The following VAT1L variants were observed in gnomAD, a reference collection of about 807,000 sequenced individuals.
The protein encoded by VAT1L is putative NADPH-dependent quinone oxidoreductase VAT1L.
A neutral mutation model predicts 44.1 loss-of-function variants in VAT1L; 34 were observed. The ratio of observed to expected loss-of-function variants is 0.77; its 90% confidence interval spans 0.59 to 1.03. VAT1L has a LOEUF of 1.03. VAT1L is among the 50% of genes least tolerant of loss of function. The pLI is 0.00. For synonymous variants in VAT1L, 253 were observed against 202.2 expected (o/e 1.25, Z -2.13); for missense variants, 615 against 538.8 (o/e 1.14, Z -1.40).
chr16:77,825,489 C>A, intron 3 of VAT1L, 28 bp downstream of exon 3: 1 of 1,554,260 alleles, frequency 6.4e-7, no homozygotes, highest in Non-Finnish European at 8.7e-7. Flanking sequence ...AACTTCTCTT[C>A]TTTAAGGTCA....
intron 3 of VAT1L, among the ~76,000 whole-genome samples, chr16:77,829,032 C>G (rs560819222): frequency 6.6e-6 from 1 of 152,086 alleles, no homozygotes; most frequent in Non-Finnish European, 1.5e-5. Flanking sequence ...CATTATGGCC[C>G]GCCAGCAGAG....
intron 7 of VAT1L, among the ~76,000 whole-genome samples, chr16:77,908,248 A>G (rs985004841): frequency 5.3e-5 from 8 of 151,256 alleles, no homozygotes; most frequent in African/African-American, 1.9e-4. Flanking sequence ...CAAAAAAAAA[A>G]AAAAAGTTCA....
chr16:77,913,047 TGCATTTGCGG>T (rs2017515159), intron 7 of VAT1L, among the ~76,000 whole-genome samples: 1 of 152,158 alleles, frequency 6.6e-6, no homozygotes, highest in Non-Finnish European at 1.5e-5. Context: ...CTTCAACATA[TGCATTTGCGG>T]GGGTGGGGTC....
chr16:77,978,656 A>G lies in VAT1L; in HGVS notation c.*961A>G, dbSNP rs2018366600. The G allele has an allele frequency of 6.6e-6, 1 of 152,242 alleles. No homozygotes were observed. Among genetic ancestry groups the G allele is most frequent in the Non-Finnish European group, 1.5e-5 (1 of 68,046 alleles). The allele number at this position is 152,242 out of a possible 1,614,324, so 9.4% of individuals were successfully genotyped here. On this transcript the variant is annotated 3_prime_UTR_variant, in exon 9 of 9. Transcript: ENST00000302536. ...GTCAATGAGCATCTCCTTCCTTGCC[A>G]AAGCATGTCCCAACATGTAACAAAC...
intron 3 of VAT1L, among the ~76,000 whole-genome samples, chr16:77,855,520 A>C (rs189231836): frequency 6.4e-4 from 97 of 152,204 alleles, no homozygotes; most frequent in African/African-American, 2.1e-3. Flanking sequence ...ATGTCCAAAA[A>C]CATAGTGCAC....
intron 8 of VAT1L, 109 bp downstream of exon 8, chr16:77,972,042 A>T (rs536188978): frequency 1.0e-6 from 1 of 980,942 alleles, no homozygotes; most frequent in Non-Finnish European, 1.5e-6. Context: ...CCTGTGGGCT[A>T]GTGGAGGAGA....
intron 7 of VAT1L, among the ~76,000 whole-genome samples, chr16:77,952,855 TAAAAAAAAA>T (rs61033802): frequency 1.1e-5 from 1 of 92,234 alleles, no homozygotes; most frequent in Non-Finnish European, 1.8e-5. Context: ...AGACTCCATT[TAAAAAAAAA>T]AAAAAAAAAA....
intron 7 of VAT1L, among the ~76,000 whole-genome samples, chr16:77,945,974 G>C (rs543396931): frequency 6.6e-6 from 1 of 151,800 alleles, no homozygotes; most frequent in Non-Finnish European, 1.5e-5. Flanking sequence ...CCTAATTTTT[G>C]TATTTGTAGC....
intron 5 of VAT1L, among the ~76,000 whole-genome samples, chr16:77,878,864 C>A (rs1057243866): frequency 6.6e-6 from 1 of 152,158 alleles, no homozygotes; most frequent in African/African-American, 2.4e-5. Context: ...CCTAAAAAGA[C>A]ATTTCAGCAA....
chr16:77,938,608 ATGTAAAGACGTGCC>A (rs2017834466), intron 7 of VAT1L, among the ~76,000 whole-genome samples: 1 of 152,060 alleles, frequency 6.6e-6, no homozygotes, highest in African/African-American at 2.4e-5. Context: ...TGCTCTGGCC[ATGTAAAGACGTGCC>A]TGCTTCCCCT....
At chr16:77,810,340 G>C (rs1337192544) in intron 1 of VAT1L, among the ~76,000 whole-genome samples, 1 of 152,150 alleles carries the variant, frequency 6.6e-6, no homozygotes. Context: ...CCAGAACTCA[G>C]AGGTGGGGCC....
chr16:77,955,130 G>A (rs1415475391), intron 7 of VAT1L, among the ~76,000 whole-genome samples: 1 of 152,194 alleles, frequency 6.6e-6, no homozygotes, highest in African/African-American at 2.4e-5. Context: ...AACATGTTAT[G>A]TGGATACTGA....
At chr16:77,912,741 A>C (rs2017512146) in intron 7 of VAT1L, among the ~76,000 whole-genome samples, 1 of 152,172 alleles carries the variant, frequency 6.6e-6, no homozygotes, top group Non-Finnish European at 1.5e-5. Flanking sequence ...TTGAACAAAA[A>C]AACAAAGACT....
intron 7 of VAT1L, among the ~76,000 whole-genome samples, chr16:77,931,944 G>C (rs2017736775): frequency 6.6e-6 from 1 of 152,094 alleles, no homozygotes; most frequent in Admixed American, 6.5e-5. Flanking sequence ...TATGTTTTGG[G>C]ATTGCCTGTT....
chr16:77,793,580 A>C (rs1458116926), intron 1 of VAT1L, among the ~76,000 whole-genome samples: 1 of 152,170 alleles, frequency 6.6e-6, no homozygotes, highest in East Asian at 1.9e-4. Context: ...GCAGGAATGT[A>C]TTTAAGTGGC....
At chr16:77,851,019 A>G (rs117323918) in intron 3 of VAT1L, among the ~76,000 whole-genome samples, 3,576 of 152,220 alleles carry the variant, frequency 0.023, 84 homozygotes, top group Non-Finnish European at 0.035. Flanking sequence ...AAGCCTTGCT[A>G]TGGTCTCTAC....
chr16:77,818,532 A>G (rs1479089170), intron 2 of VAT1L, among the ~76,000 whole-genome samples: 1 of 152,250 alleles, frequency 6.6e-6, no homozygotes, highest in Non-Finnish European at 1.5e-5. Context: ...GTCCCCAAAG[A>G]AAAGATCATG....
intron 7 of VAT1L, among the ~76,000 whole-genome samples, chr16:77,963,918 G>A (rs16946919): frequency 0.34 from 51,302 of 151,982 alleles, 8,816 homozygotes; most frequent in South Asian, 0.39. Context: ...AAGACCTTCA[G>A]AACAAAACCG....
At chr16:77,972,938 G>A (rs575075764) in intron 8 of VAT1L, among the ~76,000 whole-genome samples, 2 of 151,886 alleles carry the variant, frequency 1.3e-5, no homozygotes, top group South Asian at 2.1e-4. Context: ...TGCCTACCTC[G>A]GCCTCCCAGA....
Sources: allele counts gnomAD v4.1 joint callset (sites outside exome capture counted in the v4.1 genomes callset), GRCh38; gene constraint gnomAD v4.1.1; transcripts MANE v1.5; gene names NCBI Gene and HGNC (gene_info 2026-07-23, HGNC 2026-07-21).